Variants in RGS22 observed in about 807,000 individuals in gnomAD.
RGS22 encodes the protein regulator of G protein signaling 22.
A neutral mutation model predicts 172.9 loss-of-function variants in RGS22; 148 were observed. That is an observed-to-expected ratio of 0.86 (90% CI 0.75 to 0.98). The LOEUF is 0.98. Ranked by LOEUF, RGS22 falls within the 50% of genes least tolerant of loss-of-function variation. The probability of loss-of-function intolerance (pLI) is 0.00; values close to 1 mark genes in which losing one functional copy is unlikely to be tolerated. For synonymous variants in RGS22, 458 were observed against 480.2 expected, an observed-to-expected ratio of 0.95 and a Z score of 0.60; for missense variants, 1,347 against 1,440.8, an observed-to-expected ratio of 0.93 and a Z score of 1.05.
At position 100,072,105 on chromosome 8, in the gene RGS22, T is replaced by C. The variant is rs768295333; in HGVS notation, c.425+40A>G. The C allele has an allele frequency of 4.6e-5, 55 of 1,184,494 alleles. No individual in the cohort carries two copies. The South Asian group carries it at 6.7e-4, about 14-fold the overall frequency. 73.4% of individuals were successfully genotyped at this position (1,184,494 alleles called of 1,614,324 possible). ...CCTAGCAAATTGGGAGGCTAATATA[T>C]ATGTATTTAAAAATACATATATTGA... is the stretch of plus-strand genomic sequence containing the variant. On this transcript the variant is annotated intron_variant, in intron 5 of 27. Coordinates refer to ENST00000360863, the MANE Select transcript of RGS22 (RefSeq NM_015668.5).
In RGS22 at chr8:100,066,154, C is replaced by T; in HGVS notation, c.724+13G>A. ...GAGAAGTTCTGAAGTCATTCTTGTC[C>T]TTTTCTGCTTACCAGAAACAGATGA... On this transcript the variant is annotated intron_variant, in intron 7 of 27. Transcript: ENST00000360863. 6.2e-7 allele frequency: 1 copy of T among 1,608,804 alleles called. No individual in the cohort carries two copies. Among genetic ancestry groups the T allele is most frequent in the Non-Finnish European group, 8.5e-7 (1 of 1,177,220 alleles).
intron 2 of RGS22, among the ~76,000 whole-genome samples, chr8:100,101,634 A>C (rs573889669): frequency 2.8e-4 from 43 of 152,050 alleles, no homozygotes; most frequent in Admixed American, 9.2e-4. Context: ...CTCTCACTTT[A>C]AACTTTCTCA....
chr8:100,071,350 A>G lies in RGS22; in HGVS notation c.594+19T>C, dbSNP rs763635314. The G allele has an allele frequency of 1.3e-6, 2 of 1,576,960 alleles. No individual in the cohort carries two copies. Among genetic ancestry groups the G allele is most frequent in the South Asian group, 1.2e-5 (1 of 84,298 alleles). On this transcript the variant is annotated intron_variant, in intron 6 of 27. Transcript: ENST00000360863. ...TGTTAGTGAAGCGCTAAGTCATGAA[A>G]AAATGCTCATACTTTTACCTCACCA...
intron 18 of RGS22, among the ~76,000 whole-genome samples, chr8:100,000,210 G>C (rs944030195): frequency 6.6e-6 from 1 of 152,014 alleles, no homozygotes; most frequent in African/African-American, 2.4e-5. Flanking sequence ...TTTCTGGATT[G>C]CTCAGTGGAA....
intron 20 of RGS22, among the ~76,000 whole-genome samples, chr8:99,994,554 CA>C (rs2131290034): frequency 6.6e-6 from 1 of 152,208 alleles, no homozygotes; most frequent in Non-Finnish European, 1.5e-5. Flanking sequence ...CTCCAACTGA[CA>C]AGGGATATGA....
chr8:100,000,164 T>C (rs1214005506), intron 18 of RGS22, among the ~76,000 whole-genome samples: 1 of 152,232 alleles, frequency 6.6e-6, no homozygotes, highest in Non-Finnish European at 1.5e-5. Flanking sequence ...AACTCATTCT[T>C]GTTTCTACCT....
chr8:100,005,947 GC>G, intron 16 of RGS22, 69 bp downstream of exon 16: 1 of 1,058,498 alleles, frequency 9.4e-7, no homozygotes, highest in Non-Finnish European at 1.5e-6. Flanking sequence ...ATCTCCCCCT[GC>G]CCCATACATA....
At chr8:99,993,259 C>T (rs957203905) in intron 20 of RGS22, among the ~76,000 whole-genome samples, 1 of 151,948 alleles carries the variant, frequency 6.6e-6, no homozygotes, top group Non-Finnish European at 1.5e-5. Flanking sequence ...CAAGAAACAA[C>T]TAAGATCAGA....
At chr8:99,970,899 TACC>T (rs992622954) in intron 23 of RGS22, among the ~76,000 whole-genome samples, 1 of 152,202 alleles carries the variant, frequency 6.6e-6, no homozygotes, top group Admixed American at 6.5e-5. Flanking sequence ...ATCATCCTGA[TACC>T]ACAACTGGCA....
At chr8:99,991,346 C>A (rs138711068) in intron 20 of RGS22, among the ~76,000 whole-genome samples, 1 of 152,088 alleles carries the variant, frequency 6.6e-6, no homozygotes, top group Non-Finnish European at 1.5e-5. Context: ...TGGAACCCAT[C>A]GCAAGGAAGC....
chr8:100,076,704 A>C (rs892761868), intron 4 of RGS22, among the ~76,000 whole-genome samples: 3 of 152,106 alleles, frequency 2.0e-5, no homozygotes, highest in Non-Finnish European at 4.4e-5. Flanking sequence ...CTTTTAAGAA[A>C]TATGTGGGCC....
intron 14 of RGS22, chr8:100,023,873 A>C (rs1303512406): frequency 1.3e-5 from 2 of 152,446 alleles, no homozygotes; most frequent in African/African-American, 4.8e-5. Context: ...TTCAAAAAGC[A>C]ACCATATTTT....
chr8:100,093,175 C>A, intron 3 of RGS22: 1 of 275,744 alleles, frequency 3.6e-6, no homozygotes. Flanking sequence ...AAAAAAAAAG[C>A]CTAACATGGT....
intron 9 of RGS22, among the ~76,000 whole-genome samples, 168 bp downstream of exon 9, chr8:100,062,423 C>T (rs1264522057): frequency 1.3e-5 from 2 of 151,294 alleles, no homozygotes; most frequent in Non-Finnish European, 2.9e-5. Flanking sequence ...TTTAAAGTCA[C>T]CCAAACATCC....
At chr8:100,075,182 T>A (rs1811263183) in intron 4 of RGS22, among the ~76,000 whole-genome samples, 1 of 152,194 alleles carries the variant, frequency 6.6e-6, no homozygotes, top group South Asian at 2.1e-4. Flanking sequence ...AATCTCATAC[T>A]GAATGTGATC....
intron 4 of RGS22, among the ~76,000 whole-genome samples, chr8:100,076,795 G>A (rs1351019994): frequency 6.6e-6 from 1 of 152,086 alleles, no homozygotes. Context: ...GAGTTCGAGA[G>A]CAGCCTGGCC....
intron 21 of RGS22, among the ~76,000 whole-genome samples, chr8:99,982,760 T>C (rs947446575): frequency 4.6e-5 from 7 of 152,200 alleles, no homozygotes; most frequent in Non-Finnish European, 1.0e-4. Context: ...TATTATCCTC[T>C]TTATAGATAA....
intron 3 of RGS22, among the ~76,000 whole-genome samples, chr8:100,085,911 A>G (rs1432704349): frequency 6.6e-6 from 1 of 152,232 alleles, no homozygotes; most frequent in East Asian, 1.9e-4. Context: ...ATGGATGTAT[A>G]TTGAACTCCA....
At chr8:100,105,471 G>C in intron 1 of RGS22, 69 bp from the exon 2 acceptor site, 1 of 1,322,826 alleles carries the variant, frequency 7.6e-7, no homozygotes, top group Non-Finnish European at 1.1e-6. Context: ...GAAATCATGG[G>C]AGACAGCACC....
Sources: gnomAD v4.1 joint callset for allele counts (sites outside exome capture counted in the v4.1 genomes callset) on GRCh38, gnomAD v4.1.1 for gene constraint, MANE v1.5 for transcripts, NCBI Gene and HGNC (gene_info 2026-07-23, HGNC 2026-07-21) for gene names.